The following LIPJ variants were observed in gnomAD, a reference collection of about 807,000 sequenced individuals.
LIPJ encodes lipase member J.
Under a neutral mutation model 39.8 loss-of-function variants are expected in LIPJ, and 33 were observed. That is an observed-to-expected ratio of 0.83 (90% CI 0.63 to 1.11). The LOEUF is 1.11. Among genes scored for constraint, LIPJ ranks in the 50% least tolerant of loss-of-function variants. The pLI, the probability that LIPJ is intolerant of heterozygous loss-of-function variation, is 0.00. For missense variants in LIPJ, 422 were observed against 427.9 expected, an observed-to-expected ratio of 0.99 and a Z score of 0.12; for synonymous variants, 128 against 139.2, an observed-to-expected ratio of 0.92 and a Z score of 0.57.
At chr10:88,600,424 A>G (rs1046846915) in intron 8 of LIPJ, among the ~76,000 whole-genome samples, 1 of 152,184 alleles carries the variant, frequency 6.6e-6, no homozygotes, top group African/African-American at 2.4e-5. Flanking sequence ...TTTAAAGTTT[A>G]TACATTGTAT....
chr10:88,608,632 ATTAAG>A (rs1564941863), downstream of LIPJ, among the ~76,000 whole-genome samples: 1 of 152,244 alleles, frequency 6.6e-6, no homozygotes, highest in Non-Finnish European at 1.5e-5. Flanking sequence ...GCATTGGAGA[ATTAAG>A]TTTTCTGCAT....
intron 10 of LIPJ, 45 bp downstream of exon 10, chr10:88,605,749 A>T: frequency 7.9e-7 from 1 of 1,264,688 alleles, no homozygotes; most frequent in Non-Finnish European, 1.2e-6. Flanking sequence ...TGACTTTTTC[A>T]GATAACTTTG....
At chr10:88,602,963 A>T (rs1352677582) in intron 9 of LIPJ, among the ~76,000 whole-genome samples, 1 of 152,074 alleles carries the variant, frequency 6.6e-6, no homozygotes, top group Non-Finnish European at 1.5e-5. Context: ...GTGGTGGCAC[A>T]TGCCTGTAAT....
intron 9 of LIPJ, among the ~76,000 whole-genome samples, chr10:88,605,057 T>C (rs1190385343): frequency 6.6e-6 from 1 of 152,104 alleles, no homozygotes; most frequent in Non-Finnish European, 1.5e-5. Flanking sequence ...GAAGGAAAGA[T>C]CTCAAGGATG....
rs887981704 is a variant in LIPJ at position 88,596,726 on chromosome 10, C to A, written c.577-64C>A. Reference sequence around the variant, plus strand: ...TTTGGTTTTATAGATAGTGAATTACCACAACATTTCTTTAGCACTTATTGT... The same window carrying A: ...TTTGGTTTTATAGATAGTGAATTACAACAACATTTCTTTAGCACTTATTGT... On this transcript the variant is annotated intron_variant, in intron 7 of 10. Transcript: ENST00000371939. 3.7e-6 allele frequency: 5 copies of A among 1,349,460 alleles called. No homozygotes were observed. The South Asian group carries it at 6.5e-5, about 17-fold the overall frequency. The allele number at this position is 1,349,460 out of a possible 1,614,324, so 83.6% of individuals were successfully genotyped here. A position where few individuals can be genotyped will look rare whatever the true frequency, so the allele number is the denominator to read the frequency against.
At chr10:88,585,029 G>T (rs532090051), upstream of LIPJ, among the ~76,000 whole-genome samples, 1 of 152,250 alleles carries the variant, frequency 6.6e-6, no homozygotes, top group African/African-American at 2.4e-5. Flanking sequence ...TGATTTTTCT[G>T]AAATTAAAAG....
chr10:88,606,144 C>A (rs1033207662), intron 10 of LIPJ, among the ~76,000 whole-genome samples: 1 of 152,006 alleles, frequency 6.6e-6, no homozygotes, highest in Non-Finnish European at 1.5e-5. Flanking sequence ...TGTATAAGGA[C>A]AAAATTATTG....
exon 5 of LIPJ, chr10:88,594,020 A>G (rs1851170301): frequency 6.2e-7 from 1 of 1,612,248 alleles, no homozygotes; most frequent in Admixed American, 1.7e-5. Flanking sequence ...TCTTCCCAAC[A>G]ATAGTCTGGG....
chr10:88,605,106 A>G (rs2134584819), intron 9 of LIPJ, among the ~76,000 whole-genome samples: 1 of 152,330 alleles, frequency 6.6e-6, no homozygotes, highest in South Asian at 2.1e-4. Context: ...CCAACGGATA[A>G]CATGAAAAAG....
At chr10:88,613,770 G>GTGTA in the LIPJ span, among the ~76,000 whole-genome samples, 11 of 75,532 alleles carry the variant, frequency 1.5e-4, no homozygotes, top group African/African-American at 4.8e-4. Flanking sequence ...ATGTGTGTGT[G>GTGTA]TATATATATA....
chr10:88,599,408 T>C (rs1398115987), intron 8 of LIPJ, among the ~76,000 whole-genome samples: 2 of 152,044 alleles, frequency 1.3e-5, no homozygotes, highest in Admixed American at 6.6e-5. Flanking sequence ...TTGACCACCA[T>C]GTCCCCATTT....
upstream of LIPJ, among the ~76,000 whole-genome samples, chr10:88,585,474 C>G (rs1850877872): frequency 6.6e-6 from 1 of 152,168 alleles, no homozygotes; most frequent in African/African-American, 2.4e-5. Context: ...AAAAGTTGCT[C>G]AAATTCCATT....
upstream of LIPJ, chr10:88,583,215 C>G: frequency 6.2e-7 from 1 of 1,612,624 alleles, no homozygotes; most frequent in Non-Finnish European, 8.5e-7. Flanking sequence ...GCGATCCGCG[C>G]TGAGTCTCTG....
chr10:88,617,520 T>C, the LIPJ span, among the ~76,000 whole-genome samples: 1 of 152,068 alleles, frequency 6.6e-6, no homozygotes, highest in South Asian at 2.1e-4. Flanking sequence ...GTCACTGACA[T>C]AAGAACGGAG....
At chr10:88,589,893 A>C (rs1420201406) in intron 2 of LIPJ, among the ~76,000 whole-genome samples, 2 of 151,740 alleles carry the variant, frequency 1.3e-5, no homozygotes, top group Non-Finnish European at 3.0e-5. Context: ...GCTTTAAGTC[A>C]CCTAGCTAAT....
At chr10:88,607,851 G>A (rs1851704157), downstream of LIPJ, among the ~76,000 whole-genome samples, 1 of 152,198 alleles carries the variant, frequency 6.6e-6, no homozygotes, top group African/African-American at 2.4e-5. Flanking sequence ...TCACCACTCA[G>A]TCCAAACAAC....
the LIPJ span, among the ~76,000 whole-genome samples, chr10:88,612,282 A>G: frequency 2.6e-5 from 4 of 152,214 alleles, no homozygotes; most frequent in South Asian, 8.3e-4. Context: ...CTTGAAACAA[A>G]TCCTTTGAAT....
At chr10:88,613,828 A>ATATT in the LIPJ span, among the ~76,000 whole-genome samples, 1 of 117,770 alleles carries the variant, frequency 8.5e-6, no homozygotes, top group Non-Finnish European at 1.7e-5. Flanking sequence ...ATATATATAT[A>ATATT]TGTGTGTATA....
At chr10:88,611,103 C>A (rs911369834), downstream of LIPJ, among the ~76,000 whole-genome samples, 1 of 152,180 alleles carries the variant, frequency 6.6e-6, no homozygotes, top group Non-Finnish European at 1.5e-5. Flanking sequence ...TTTGCAGACA[C>A]TCCCCAGTAC....
Sources: gnomAD v4.1 joint callset for allele counts (sites outside exome capture counted in the v4.1 genomes callset) on GRCh38, gnomAD v4.1.1 for gene constraint, MANE v1.5 for transcripts, NCBI Gene and HGNC (gene_info 2026-07-23, HGNC 2026-07-21) for gene names.